DLGAP1: variants seen among roughly 807,000 people sequenced by gnomAD.
The protein encoded by DLGAP1 is disks large-associated protein 1.
Under a neutral mutation model 90.8 loss-of-function variants are expected in DLGAP1, and 11 were observed. The observed-to-expected ratio is 0.12, with a 90% CI of 0.08 to 0.20. The LOEUF (loss-of-function observed/expected upper bound fraction) is 0.20, where lower values mean the gene tolerates loss of function less well. DLGAP1 is among the 10% of genes least tolerant of loss of function. The pLI, the probability that DLGAP1 is intolerant of heterozygous loss-of-function variation, is 1.00. For synonymous variants in DLGAP1, 558 were observed against 540.7 expected (o/e 1.03, Z -0.44); for missense variants, 1,050 against 1,333.8 (o/e 0.79, Z 3.31).
At chr18:3,940,829 C>A (rs966332516) in intron 3 of DLGAP1, among the ~76,000 whole-genome samples, 2 of 152,166 alleles carry the variant, frequency 1.3e-5, no homozygotes, top group Admixed American at 6.5e-5. Context: ...CTCTTTACAA[C>A]CTTTTAAGAG....
chr18:4,185,262 GT>G (rs11336512), intron 1 of DLGAP1, among the ~76,000 whole-genome samples: 66,371 of 147,832 alleles, frequency 0.45, 16,018 homozygotes, highest in East Asian at 0.75. Context: ...AGTATTTGAG[GT>G]TTTTTTTTTT....
At chr18:4,196,343 G>T (rs1057260619) in intron 1 of DLGAP1, among the ~76,000 whole-genome samples, 2 of 152,172 alleles carry the variant, frequency 1.3e-5, no homozygotes, top group Admixed American at 1.3e-4. Flanking sequence ...CTATGTTTAG[G>T]AAATGAAATG....
chr18:4,438,701 CCTT>C (rs146584441), intron 1 of DLGAP1, among the ~76,000 whole-genome samples: 12,010 of 152,144 alleles, frequency 0.079, 517 homozygotes, highest in Middle Eastern at 0.2. Context: ...ACTCGAACCT[CCTT>C]GACAGGCATC....
intron 4 of DLGAP1, among the ~76,000 whole-genome samples, chr18:3,825,650 C>T (rs574194781): frequency 6.9e-4 from 105 of 152,234 alleles, no homozygotes; most frequent in African/African-American, 2.5e-3. Flanking sequence ...ATAGAGAGGA[C>T]TGTATCATGA....
intron 1 of DLGAP1, among the ~76,000 whole-genome samples, chr18:4,247,984 T>C (rs1265802709): frequency 6.6e-6 from 1 of 152,120 alleles, no homozygotes; most frequent in East Asian, 1.9e-4. Context: ...AATATGCCAG[T>C]GACAAAGCAA....
intron 10 of DLGAP1, among the ~76,000 whole-genome samples, chr18:3,522,135 C>A (rs1382176059): frequency 1.0e-5 from 1 of 98,246 alleles, no homozygotes; most frequent in Non-Finnish European, 1.9e-5. Context: ...TTCTTTCTTG[C>A]TTTTTTTTTT....
chr18:3,880,755 C>T (rs1568276467), intron 3 of DLGAP1, among the ~76,000 whole-genome samples: 1 of 151,554 alleles, frequency 6.6e-6, no homozygotes, highest in Non-Finnish European at 1.5e-5. Context: ...CCAGCCTGGC[C>T]AACATGGTGA....
At chr18:3,803,830 T>C (rs1187751008) in intron 5 of DLGAP1, among the ~76,000 whole-genome samples, 1 of 151,972 alleles carries the variant, frequency 6.6e-6, no homozygotes, top group African/African-American at 2.4e-5. Flanking sequence ...GAGGATCTTA[T>C]CATATGTACT....
chr18:3,853,611 C>T (rs150698980), intron 4 of DLGAP1, among the ~76,000 whole-genome samples: 1 of 151,824 alleles, frequency 6.6e-6, no homozygotes, highest in African/African-American at 2.4e-5. Flanking sequence ...ACCAAGTTAC[C>T]TTACAGTGCG....
intron 1 of DLGAP1, among the ~76,000 whole-genome samples, chr18:4,353,326 C>A (rs911291178): frequency 6.6e-6 from 1 of 152,162 alleles, no homozygotes; most frequent in African/African-American, 2.4e-5. Context: ...TTGATGATCA[C>A]CCACCCCAAG....
intron 3 of DLGAP1, among the ~76,000 whole-genome samples, chr18:3,951,088 A>G (rs1013375265): frequency 6.6e-6 from 1 of 152,236 alleles, no homozygotes; most frequent in South Asian, 2.1e-4. Flanking sequence ...AGCAGAGCCT[A>G]GACAACAATG....
intron 11 of DLGAP1, among the ~76,000 whole-genome samples, chr18:3,508,328 G>T (rs2050359529): frequency 6.6e-6 from 1 of 151,730 alleles, no homozygotes; most frequent in African/African-American, 2.4e-5. Context: ...AGTTACAAAA[G>T]AAGCAGGAAA....
intron 3 of DLGAP1, among the ~76,000 whole-genome samples, chr18:3,977,434 G>GTGT (rs1555718019): frequency 2.1e-5 from 2 of 95,332 alleles, no homozygotes; most frequent in Non-Finnish European, 4.0e-5. Context: ...TTTATTCTGT[G>GTGT]TTTTTTTTTT....
At chr18:3,525,078 A>G (rs2051517403) in intron 10 of DLGAP1, among the ~76,000 whole-genome samples, 1 of 147,918 alleles carries the variant, frequency 6.8e-6, no homozygotes, top group Non-Finnish European at 1.5e-5. Flanking sequence ...GAGTTTCCAC[A>G]GTGTTCTGGG....
At chr18:3,981,989 T>G (rs2073741162) in intron 3 of DLGAP1, among the ~76,000 whole-genome samples, 1 of 152,088 alleles carries the variant, frequency 6.6e-6, no homozygotes, top group Non-Finnish European at 1.5e-5. Context: ...AACTTTCTTT[T>G]CCTGATGGGT....
intron 2 of DLGAP1, among the ~76,000 whole-genome samples, chr18:4,088,582 G>C (rs2075721679): frequency 6.6e-6 from 1 of 152,126 alleles, no homozygotes; most frequent in Admixed American, 6.5e-5. Flanking sequence ...TCTGCTGGCA[G>C]TAAATTCTCT....
intron 3 of DLGAP1, among the ~76,000 whole-genome samples, chr18:3,898,007 G>C (rs1396891608): frequency 1.3e-5 from 2 of 151,836 alleles, no homozygotes; most frequent in African/African-American, 2.4e-5. Flanking sequence ...TGTTAGCCAG[G>C]ATGGTCTCGA....
Position 4,170,042 on chromosome 18 carries a change from T to C in DLGAP1, c.-266-18755A>G, listed in dbSNP as rs565961735. 7.4e-4 allele frequency among the ~76,000 whole-genome samples: 113 copies of C among 152,206 alleles called. No homozygotes were observed. The South Asian group carries it at 0.018, about 24-fold the overall frequency. On this transcript the variant is annotated intron_variant, in intron 1 of 12. Coordinates refer to ENST00000315677, the MANE Select transcript of DLGAP1 (RefSeq NM_004746.4). ...GGCGGGGACAGACTGTTAGGGACTATTTAAGAGACACATGATGATGGAAGG... is the reference window on the plus strand; with the variant it reads ...GGCGGGGACAGACTGTTAGGGACTACTTAAGAGACACATGATGATGGAAGG...
At chr18:3,761,658 C>T (rs2063971711) in intron 5 of DLGAP1, among the ~76,000 whole-genome samples, 2 of 151,914 alleles carry the variant, frequency 1.3e-5, no homozygotes, top group South Asian at 2.1e-4. Flanking sequence ...TCACTGCAAC[C>T]TCTGCCTCCC....
Sources: gnomAD v4.1 joint callset for allele counts (sites outside exome capture counted in the v4.1 genomes callset) on GRCh38, gnomAD v4.1.1 for gene constraint, MANE v1.5 for transcripts, NCBI Gene and HGNC (gene_info 2026-07-23, HGNC 2026-07-21) for gene names.